CCNK: variants seen among roughly 807,000 people sequenced by gnomAD.
CCNK encodes the protein cyclin-K.
A neutral mutation model predicts 65.0 loss-of-function variants in CCNK; 9 were observed. The observed-to-expected ratio is 0.14, with a 90% CI of 0.08 to 0.24. The LOEUF (loss-of-function observed/expected upper bound fraction) is 0.24, where lower values mean the gene tolerates loss of function less well. Ranked by LOEUF, CCNK falls within the 10% of genes least tolerant of loss-of-function variation. CCNK has a pLI of 1.00. For synonymous variants in CCNK, 279 were observed against 270.8 expected (o/e 1.03, Z -0.30); for missense variants, 474 against 720.0 (o/e 0.66, Z 3.91).
At chr14:99,481,571 C>T (rs1437540320) in intron 1 of CCNK, 92 bp downstream of exon 1, 4 of 397,748 alleles carry the variant, frequency 1.0e-5, no homozygotes, top group African/African-American at 6.2e-5. Context: ...TATCCACTGG[C>T]GGAGTCTCTC....
chr14:99,509,575 C>T (rs147462940), intron 10 of CCNK: 1 of 153,150 alleles, frequency 6.5e-6, no homozygotes, highest in East Asian at 1.9e-4. Flanking sequence ...GCACACACTC[C>T]TCTCAAGGAG....
chr14:99,485,322 C>G (rs954751951), intron 1 of CCNK, among the ~76,000 whole-genome samples: 11 of 152,182 alleles, frequency 7.2e-5, no homozygotes, highest in African/African-American at 2.7e-4. Flanking sequence ...ACACTGTTCC[C>G]CGTTCTGCCC....
intron 1 of CCNK, among the ~76,000 whole-genome samples, chr14:99,491,485 T>C (rs770361181): frequency 6.6e-6 from 1 of 152,238 alleles, no homozygotes; most frequent in Non-Finnish European, 1.5e-5. Context: ...GGTCATATTT[T>C]CTGAGGTTTT....
chr14:99,501,952 A>C (rs1308284503), intron 6 of CCNK: 4 of 337,702 alleles, frequency 1.2e-5, no homozygotes, highest in Non-Finnish European at 2.1e-5. Context: ...AGTCATTTTC[A>C]TTGGTGTAGC....
At position 99,510,954 on chromosome 14, in the gene CCNK, C is replaced by T. The variant is rs1375617623; in HGVS notation, c.*172C>T. The T allele has an allele frequency of 7.0e-5, 34 of 483,132 alleles. No individual in the cohort carries two copies. Among genetic ancestry groups the T allele is most frequent in the East Asian group, 6.5e-4 (18 of 27,898 alleles). 29.9% of individuals were successfully genotyped at this position (483,132 alleles called of 1,614,324 possible). A position where few individuals can be genotyped will look rare whatever the true frequency, so the allele number is the denominator to read the frequency against. On this transcript the variant is annotated 3_prime_UTR_variant, in exon 11 of 11. Transcript: ENST00000389879. ...CAGAGTGGTCCTCACACCTAGAGGACGGGGACAACCAGCTTTCAGAGTAGC... is the reference window on the plus strand; with the variant it reads ...CAGAGTGGTCCTCACACCTAGAGGATGGGGACAACCAGCTTTCAGAGTAGC...
At chr14:99,509,130 A>G (rs959413865) in intron 10 of CCNK, 1 of 152,240 alleles carries the variant, frequency 6.6e-6, no homozygotes, top group African/African-American at 2.4e-5. Context: ...CTACCCAACC[A>G]GGATGTCGTG....
intron 4 of CCNK, among the ~76,000 whole-genome samples, chr14:99,499,958 A>G (rs1896784067): frequency 6.6e-6 from 1 of 152,218 alleles, no homozygotes; most frequent in South Asian, 2.1e-4. Context: ...TAAAATGGTT[A>G]CTAAAATTTG....
At chr14:99,495,748 A>T (rs1165525576) in intron 4 of CCNK, 119 bp downstream of exon 4, 1 of 851,844 alleles carries the variant, frequency 1.2e-6, no homozygotes, top group East Asian at 2.9e-5. Flanking sequence ...AGTTCCTAAG[A>T]GGGCCTTCTG....
At chr14:99,496,554 C>G (rs1309440970) in intron 4 of CCNK, among the ~76,000 whole-genome samples, 2 of 151,724 alleles carry the variant, frequency 1.3e-5, no homozygotes, top group African/African-American at 4.8e-5. Flanking sequence ...ACTAAAAATA[C>G]AAAAAATTAA....
chr14:99,481,431 C>A lies in CCNK; in HGVS notation c.-101C>A. 1 of 398,712 alleles carries A rather than the reference C, an allele frequency of 2.5e-6. No individual in the cohort carries two copies. The highest frequency in any genetic ancestry group is 4.4e-6 in the Non-Finnish European group (1 of 226,096). The allele number at this position is 398,712 out of a possible 1,614,324, so 24.7% of individuals were successfully genotyped here. Reference sequence around the variant, plus strand: ...CCCGACATTCCATATACAAGATGGCCGCAGTCGGCAAGGAGAGACGTCGCT... The same window carrying A: ...CCCGACATTCCATATACAAGATGGCAGCAGTCGGCAAGGAGAGACGTCGCT... On this transcript the variant is annotated 5_prime_UTR_variant, in exon 1 of 11. Transcript: ENST00000389879.
intron 9 of CCNK, chr14:99,504,190 T>G (rs1896914358): frequency 3.1e-5 from 7 of 226,724 alleles, no homozygotes; most frequent in South Asian, 2.8e-4. Flanking sequence ...TTGGAACAAT[T>G]ACAAAACAGA....
In CCNK at chr14:99,495,630, GTAAGAATGATAA is replaced by G. The variant is rs1467487927; in HGVS notation, c.411+5_411+16del. 1 of 1,602,332 alleles carries G rather than the reference GTAAGAATGATAA, an allele frequency of 6.2e-7. No individual in the cohort carries two copies. Among genetic ancestry groups the G allele is most frequent in the Non-Finnish European group, 8.5e-7 (1 of 1,175,774 alleles). On this transcript the variant is annotated splice_donor_variant and splice_donor_5th_base_variant and intron_variant, in intron 4 of 10. Transcript: ENST00000389879. LOFTEE classifies it high-confidence loss of function. The stretch of plus-strand genomic sequence containing the variant: ...TGGCCAGTTTGGAGATGACCCAAAG[GTAAGAATGATAA>G]TAACTTCCTGCCTTCTGGTCTTGAT...
chr14:99,502,632 AG>A, intron 7 of CCNK, 86 bp from the exon 8 acceptor site: 1 of 1,319,988 alleles, frequency 7.6e-7, no homozygotes, highest in Non-Finnish European at 1.1e-6. Context: ...AGGTCCTCGT[AG>A]GGGTATCATA....
chr14:99,488,802 C>T (rs982799161), intron 1 of CCNK, among the ~76,000 whole-genome samples: 1 of 152,108 alleles, frequency 6.6e-6, no homozygotes, highest in Non-Finnish European at 1.5e-5. Flanking sequence ...ATATTATGGA[C>T]ACTTGGATTG....
At chr14:99,502,184 C>T (rs1896847674) in intron 6 of CCNK, 23 bp from the exon 7 acceptor site, 1 of 1,532,402 alleles carries the variant, frequency 6.5e-7, no homozygotes, top group Admixed American at 2.0e-5. Context: ...ATTATCTAAC[C>T]TTTTTTTTTC....
chr14:99,510,140 G>A lies in CCNK; in HGVS notation c.1118-17G>A. On this transcript the variant is annotated splice_polypyrimidine_tract_variant and intron_variant, in intron 10 of 10. Transcript: ENST00000389879. The stretch of plus-strand genomic sequence containing the variant: ...TTGCTGGCGGAGGCCGGGCACTGAT[G>A]CGTCTCTCTCCTGCAGACCGGAAGC... 6.3e-7 allele frequency: 1 copy of A among 1,587,738 alleles called. No individual in the cohort carries two copies. The highest frequency in any genetic ancestry group is 1.3e-5 in the African/African-American group (1 of 74,598).
At chr14:99,481,805 G>A (rs528336852) in intron 1 of CCNK, among the ~76,000 whole-genome samples, 1 of 152,358 alleles carries the variant, frequency 6.6e-6, no homozygotes, top group Non-Finnish European at 1.5e-5. Context: ...ACCGCGCACA[G>A]TCTCACAGCC....
At chr14:99,501,291 A>C in intron 5 of CCNK, 65 bp from the exon 6 acceptor site, 1 of 1,061,002 alleles carries the variant, frequency 9.4e-7, no homozygotes, top group Non-Finnish European at 1.5e-6. Flanking sequence ...GTTTTTAATA[A>C]ATACTTGATG....
chr14:99,509,594 CTG>C (rs1442692370), intron 10 of CCNK: 1 of 160,728 alleles, frequency 6.2e-6, no homozygotes, highest in Non-Finnish European at 1.4e-5. Flanking sequence ...AGGCTGCTAT[CTG>C]AGAGCACACA....
Sources: gnomAD v4.1 joint callset for allele counts (sites outside exome capture counted in the v4.1 genomes callset) on GRCh38, gnomAD v4.1.1 for gene constraint, MANE v1.5 for transcripts, NCBI Gene and HGNC (gene_info 2026-07-23, HGNC 2026-07-21) for gene names.